PTPRO: variants seen among roughly 807,000 people sequenced by gnomAD.
The protein encoded by PTPRO is protein tyrosine phosphatase receptor type O, also known as receptor-type tyrosine-protein phosphatase O.
In PTPRO, 62 loss-of-function variants were observed where a neutral mutation model predicts 145.2. The ratio of observed to expected loss-of-function variants is 0.43; its 90% confidence interval spans 0.35 to 0.53. The LOEUF (loss-of-function observed/expected upper bound fraction) is 0.53, where lower values mean the gene tolerates loss of function less well. Among genes scored for constraint, PTPRO ranks in the 20% least tolerant of loss-of-function variants. PTPRO has a pLI of 0.01. For missense variants in PTPRO, 1,345 were observed against 1,482.7 expected (o/e 0.91, Z 1.53); for synonymous variants, 565 against 514.7 (o/e 1.10, Z -1.32).
At position 15,547,105 on chromosome 12, in the gene PTPRO, T is replaced by C. The variant is rs188750268; in HGVS notation, c.2304+397T>C. Among the ~76,000 whole-genome samples, 180 of 152,348 alleles carry C rather than the reference T, an allele frequency of 1.2e-3. 1 individual carries two copies. The highest frequency in any genetic ancestry group is 4.2e-3 in the African/African-American group (175 of 41,582). On this transcript the variant is annotated intron_variant, in intron 13 of 26. Transcript: ENST00000281171. Reference sequence around the variant, plus strand: ...TATTTGCCTTCAAAACATTTTTATATGGTGTAGACATTGCATAAGTATAGA... The same window carrying C: ...TATTTGCCTTCAAAACATTTTTATACGGTGTAGACATTGCATAAGTATAGA...
chr12:15,589,045 T>G (rs1565448917), intron 24 of PTPRO, among the ~76,000 whole-genome samples: 1 of 152,144 alleles, frequency 6.6e-6, no homozygotes, highest in East Asian at 1.9e-4. Context: ...CTATTTGTAG[T>G]TTTTTAGAAA....
At chr12:15,396,115 C>T (rs1030418782) in intron 1 of PTPRO, among the ~76,000 whole-genome samples, 6 of 152,046 alleles carry the variant, frequency 3.9e-5, no homozygotes, top group African/African-American at 1.2e-4. Context: ...TCCTTTATTG[C>T]TTTTTATTCA....
intron 12 of PTPRO, among the ~76,000 whole-genome samples, chr12:15,528,371 A>C (rs1942887527): frequency 6.6e-6 from 1 of 151,450 alleles, no homozygotes; most frequent in Non-Finnish European, 1.5e-5. Flanking sequence ...AAAAAAAAAA[A>C]AAAAATTAGC....
At chr12:15,572,076 A>T (rs1157481247) in intron 19 of PTPRO, among the ~76,000 whole-genome samples, 1 of 152,204 alleles carries the variant, frequency 6.6e-6, no homozygotes, top group African/African-American at 2.4e-5. Context: ...TCCTCACTAC[A>T]GTGTTGCTAC....
intron 1 of PTPRO, among the ~76,000 whole-genome samples, chr12:15,421,204 A>G (rs993082356): frequency 2.6e-5 from 4 of 152,174 alleles, no homozygotes; most frequent in Middle Eastern, 3.2e-3. Context: ...TTACATCCCT[A>G]TCTTGCAAAT....
chr12:15,365,110 A>C (rs1187319413), intron 1 of PTPRO, among the ~76,000 whole-genome samples: 1 of 152,114 alleles, frequency 6.6e-6, no homozygotes, highest in Non-Finnish European at 1.5e-5. Flanking sequence ...ATTTTTGCCA[A>C]GAATGCGGAA....
chr12:15,500,707 A>T (rs1041900180), intron 4 of PTPRO, among the ~76,000 whole-genome samples: 3 of 152,144 alleles, frequency 2.0e-5, no homozygotes, highest in Non-Finnish European at 4.4e-5. Flanking sequence ...GGATCACCTG[A>T]GGTCAGGAGT....
chr12:15,336,272 T>G (rs1221331876), intron 1 of PTPRO, among the ~76,000 whole-genome samples: 1 of 152,178 alleles, frequency 6.6e-6, no homozygotes, highest in East Asian at 1.9e-4. Flanking sequence ...TATACATGCT[T>G]TTTTCACTTA....
At chr12:15,466,429 G>A (rs928564498) in intron 1 of PTPRO, among the ~76,000 whole-genome samples, 1 of 152,082 alleles carries the variant, frequency 6.6e-6, no homozygotes, top group Non-Finnish European at 1.5e-5. Flanking sequence ...TAGATTTTTA[G>A]CATGATGTTG....
intron 1 of PTPRO, among the ~76,000 whole-genome samples, chr12:15,444,439 C>T (rs1422862653): frequency 3.3e-5 from 5 of 151,798 alleles, no homozygotes; most frequent in African/African-American, 1.2e-4. Context: ...CAGCATCACA[C>T]AATATATCCA....
intron 1 of PTPRO, among the ~76,000 whole-genome samples, chr12:15,474,323 A>G (rs1941607869): frequency 6.6e-6 from 1 of 151,850 alleles, no homozygotes; most frequent in South Asian, 2.1e-4. Flanking sequence ...AGTGCCACCC[A>G]CTCTGTCTCC....
intron 1 of PTPRO, among the ~76,000 whole-genome samples, chr12:15,436,487 G>A (rs1940598100): frequency 1.3e-5 from 2 of 152,206 alleles, no homozygotes; most frequent in African/African-American, 2.4e-5. Flanking sequence ...GCCCCAGTAT[G>A]TGAGAGAGGC....
chr12:15,587,266 T>G lies in PTPRO; in HGVS notation c.3410+215T>G, dbSNP rs112959951. 4.8e-4 allele frequency: 278 copies of G among 582,696 alleles called. 1 individual carries two copies. In the African/African-American group the frequency reaches 4.8e-3, roughly 10 times the overall value. 36.1% of individuals were successfully genotyped at this position (582,696 alleles called of 1,614,324 possible). On this transcript the variant is annotated intron_variant, in intron 24 of 26. Coordinates refer to ENST00000281171, the MANE Select transcript of PTPRO (RefSeq NM_030667.3). ...TAAAATAGATGTTATTATTCCAATT[T>G]TTAAATGAAAAAAATAGAGAAGGGT...
intron 11 of PTPRO, 52 bp from the exon 12 acceptor site, chr12:15,526,090 G>T: frequency 1.2e-6 from 2 of 1,611,376 alleles, no homozygotes; most frequent in East Asian, 4.5e-5. Flanking sequence ...TTGGGGTGGT[G>T]CACTGATTCA....
chr12:15,519,540 T>G (rs572514354), intron 9 of PTPRO, among the ~76,000 whole-genome samples: 1 of 152,340 alleles, frequency 6.6e-6, no homozygotes, highest in East Asian at 1.9e-4. Context: ...AGCAATCAAG[T>G]GCTTACTGCT....
intron 25 of PTPRO, among the ~76,000 whole-genome samples, chr12:15,592,421 T>C (rs1389831191): frequency 6.6e-6 from 1 of 152,196 alleles, no homozygotes; most frequent in African/African-American, 2.4e-5. Flanking sequence ...CACTGGTATC[T>C]AATTTTCCAG....
At chr12:15,556,003 G>A (rs1943613805) in intron 15 of PTPRO, among the ~76,000 whole-genome samples, 1 of 152,068 alleles carries the variant, frequency 6.6e-6, no homozygotes, top group African/African-American at 2.4e-5. Flanking sequence ...AATCTCTATT[G>A]TTAGCAAATC....
At chr12:15,482,779 C>T (rs1941806835) in intron 1 of PTPRO, among the ~76,000 whole-genome samples, 1 of 152,088 alleles carries the variant, frequency 6.6e-6, no homozygotes. Context: ...AGAAACTTAA[C>T]AGTCATGTGT....
Position 15,434,226 on chromosome 12 carries a change from G to A in PTPRO, c.76-49748G>A, listed in dbSNP as rs1287800672. On this transcript the variant is annotated intron_variant, in intron 1 of 26. Transcript: ENST00000281171. ...AACAATGTTTAAACTTGCCTTTTTA[G>A]TTGAAAGCAAACATAAACTCAGCTG... Among the ~76,000 whole-genome samples the A allele has an allele frequency of 2.0e-5, 3 of 152,156 alleles. No individual in the cohort carries two copies. The East Asian group carries it at 5.8e-4, about 29-fold the overall frequency.
Sources: gnomAD v4.1 joint callset for allele counts (sites outside exome capture counted in the v4.1 genomes callset) on GRCh38, gnomAD v4.1.1 for gene constraint, MANE v1.5 for transcripts, NCBI Gene and HGNC (gene_info 2026-07-23, HGNC 2026-07-21) for gene names.